The following ARHGAP42 variants were observed in gnomAD, a reference collection of about 807,000 sequenced individuals.
ARHGAP42 encodes Rho GTPase activating protein 42.
In ARHGAP42, 63 loss-of-function variants were observed where a neutral mutation model predicts 125.0. The observed-to-expected ratio is 0.50, with a 90% CI of 0.41 to 0.62. The LOEUF is 0.62. Among genes scored for constraint, ARHGAP42 ranks in the 20% least tolerant of loss-of-function variants. ARHGAP42 has a pLI of 0.00. For synonymous variants in ARHGAP42, 339 were observed against 351.0 expected, an observed-to-expected ratio of 0.97 and a Z score of 0.38; for missense variants, 766 against 1,024.2, an observed-to-expected ratio of 0.75 and a Z score of 3.44.
At chr11:100,983,106 A>C (rs1281130014) in intron 22 of ARHGAP42, among the ~76,000 whole-genome samples, 5 of 152,216 alleles carry the variant, frequency 3.3e-5, no homozygotes, top group Non-Finnish European at 5.9e-5. Flanking sequence ...GTGGTTTCTC[A>C]AACTTCTTGA....
At chr11:100,800,718 G>T (rs1863830513) in intron 3 of ARHGAP42, among the ~76,000 whole-genome samples, 1 of 152,112 alleles carries the variant, frequency 6.6e-6, no homozygotes, top group Non-Finnish European at 1.5e-5. Flanking sequence ...CATACTGTGG[G>T]TTTTGATTGC....
In ARHGAP42 at chr11:100,709,612, G is replaced by T. The variant is rs1308592444; in HGVS notation, c.154+21780G>T. On this transcript the variant is annotated intron_variant, in intron 1 of 23. Coordinates refer to ENST00000298815, the MANE Select transcript of ARHGAP42 (RefSeq NM_152432.4). ...ATGGTGGAAAGCAAAACTGGATGAG[G>T]CAGGCCTACTATATATAGCATTTAT... Among the ~76,000 whole-genome samples the T allele has an allele frequency of 2.0e-5, 3 of 152,194 alleles. No homozygotes were observed. In the East Asian group the frequency reaches 5.8e-4, roughly 29 times the overall value.
At chr11:100,875,097 CTCTCTCTCTCTGTGTGTGTGTG>C (rs1865783310) in intron 4 of ARHGAP42, among the ~76,000 whole-genome samples, 1 of 95,220 alleles carries the variant, frequency 1.1e-5, no homozygotes, top group Middle Eastern at 5.0e-3. Flanking sequence ...CTCTCTCTCT[CTCTCTCTCTCTGTGTGTGTGTG>C]TGTGTGTGTG....
intron 4 of ARHGAP42, among the ~76,000 whole-genome samples, chr11:100,878,302 C>G (rs1219017748): frequency 6.6e-6 from 1 of 151,754 alleles, no homozygotes; most frequent in African/African-American, 2.4e-5. Flanking sequence ...CCTATTCCTT[C>G]TATTTCTATT....
intron 1 of ARHGAP42, among the ~76,000 whole-genome samples, chr11:100,715,609 G>A (rs1035041480): frequency 6.6e-6 from 1 of 152,126 alleles, no homozygotes; most frequent in Admixed American, 6.6e-5. Context: ...GCAAAACTGA[G>A]CTTGTGTAAA....
chr11:100,879,681 C>T (rs1311506308), intron 4 of ARHGAP42, among the ~76,000 whole-genome samples: 3 of 152,114 alleles, frequency 2.0e-5, no homozygotes, highest in African/African-American at 4.8e-5. Context: ...CTGCGACCTC[C>T]CTGCCTCATC....
chr11:100,778,558 T>C (rs995968661), intron 2 of ARHGAP42, among the ~76,000 whole-genome samples: 2 of 152,106 alleles, frequency 1.3e-5, no homozygotes, highest in South Asian at 4.1e-4. Flanking sequence ...AATTATTGTT[T>C]TCCTGTTTTT....
intron 3 of ARHGAP42, among the ~76,000 whole-genome samples, chr11:100,796,464 T>C (rs978515697): frequency 5.9e-5 from 9 of 152,208 alleles, no homozygotes; most frequent in Admixed American, 3.3e-4. Flanking sequence ...AAGTGTCATG[T>C]GTCTCTCACT....
At chr11:100,725,852 G>A (rs1004014465) in intron 1 of ARHGAP42, among the ~76,000 whole-genome samples, 158 of 150,284 alleles carry the variant, frequency 1.1e-3, no homozygotes, top group African/African-American at 3.7e-3. Flanking sequence ...GGAGAATGGC[G>A]CGAACCCGGG....
intron 1 of ARHGAP42, among the ~76,000 whole-genome samples, chr11:100,742,436 T>A (rs537366240): frequency 6.6e-6 from 1 of 152,332 alleles, no homozygotes; most frequent in East Asian, 1.9e-4. Context: ...AAGGTTCAGA[T>A]ATGTGACCTC....
In ARHGAP42 at chr11:100,949,963, C is replaced by A; in HGVS notation, c.1162+7C>A. The A allele has an allele frequency of 1.4e-6, 2 of 1,416,768 alleles. No individual in the cohort carries two copies. Among genetic ancestry groups the A allele is most frequent in the Non-Finnish European group, 1.9e-6 (2 of 1,035,464 alleles). The allele number at this position is 1,416,768 out of a possible 1,614,324, so 87.8% of individuals were successfully genotyped here. A position where few individuals can be genotyped will look rare whatever the true frequency, so the allele number is the denominator to read the frequency against. The stretch of plus-strand genomic sequence containing the variant: ...ATAAGCAAGAAAGAAGAAAGTAAGT[C>A]ATTTTAATAGTTATTTAAAATTTTA... On this transcript the variant is annotated splice_region_variant and intron_variant, in intron 12 of 23. Transcript: ENST00000298815.
At chr11:100,750,867 C>A (rs555164645) in intron 1 of ARHGAP42, among the ~76,000 whole-genome samples, 38 of 151,902 alleles carry the variant, frequency 2.5e-4, no homozygotes, top group African/African-American at 9.2e-4. Context: ...TCAAATCTAA[C>A]AACCACCTCC....
At chr11:100,744,116 G>A (rs1024338893) in intron 1 of ARHGAP42, among the ~76,000 whole-genome samples, 1 of 152,050 alleles carries the variant, frequency 6.6e-6, no homozygotes, top group Non-Finnish European at 1.5e-5. Context: ...GACTACAGGC[G>A]CCTGCCTCCA....
intron 1 of ARHGAP42, among the ~76,000 whole-genome samples, chr11:100,728,829 C>T (rs11224415): frequency 0.15 from 21,974 of 147,942 alleles, 1,750 homozygotes; most frequent in East Asian, 0.26. Flanking sequence ...AATGCAGTGG[C>T]GTGATCTCGG....
rs1414222333 is a variant in ARHGAP42, at chr11:100,899,722, G to GTTTTGTT, written c.385-13726_385-13725insGTTTTTT. On this transcript the variant is annotated intron_variant, in intron 4 of 23. Transcript: ENST00000298815. Reference sequence around the variant, plus strand: ...TTTTTTTTGTTTTGTTTTGTGTTTTGTTTTTTTTTTTGTTTTTTTTTGCTC... The same window carrying GTTTTGTT: ...TTTTTTTTGTTTTGTTTTGTGTTTTGTTTTGTTTTTTTTTTTTTGTTTTTTTTTGCTC... 2.1e-4 allele frequency among the ~76,000 whole-genome samples: 14 copies of GTTTTGTT among 67,176 alleles called. 1 individual carries two copies. The highest frequency in any genetic ancestry group is 2.6e-4 in the Non-Finnish European group (9 of 34,888). The allele number at this position is 67,176 out of a possible 152,430, so 44.1% of individuals were successfully genotyped here. A position where few individuals can be genotyped will look rare whatever the true frequency, so the allele number is the denominator to read the frequency against.
At chr11:100,769,171 T>C (rs1489598992) in intron 1 of ARHGAP42, among the ~76,000 whole-genome samples, 1 of 152,332 alleles carries the variant, frequency 6.6e-6, no homozygotes, top group African/African-American at 2.4e-5. Context: ...TTTAAAAAGA[T>C]GCACCTGTGT....
chr11:100,743,282 A>T (rs990508026), intron 1 of ARHGAP42, among the ~76,000 whole-genome samples: 1 of 152,134 alleles, frequency 6.6e-6, no homozygotes, highest in Non-Finnish European at 1.5e-5. Flanking sequence ...TTCTCCCCAC[A>T]TTTGTTTGTC....
chr11:100,753,065 A>G (rs1449735285), intron 1 of ARHGAP42, among the ~76,000 whole-genome samples: 1 of 152,130 alleles, frequency 6.6e-6, no homozygotes, highest in Admixed American at 6.5e-5. Flanking sequence ...GTGTTAAGTT[A>G]CCAGGGCAGG....
Position 100,687,347 on chromosome 11 carries a change from C to G in ARHGAP42, c.-332C>G, listed in dbSNP as rs1028442471. ...GGAACTGCCGGAAGTGTCTGCGCGC[C>G]GTGAGAGAAACTTTCCTGCTCCGGC... On this transcript the variant is annotated 5_prime_UTR_variant, in exon 1 of 24. Transcript: ENST00000298815. 6.6e-6 allele frequency among the ~76,000 whole-genome samples: 1 copy of G among 152,058 alleles called. No homozygotes were observed. The highest frequency in any genetic ancestry group is 1.9e-4 in the East Asian group (1 of 5,158).
Sources: allele counts gnomAD v4.1 joint callset (sites outside exome capture counted in the v4.1 genomes callset), GRCh38; gene constraint gnomAD v4.1.1; transcripts MANE v1.5; gene names NCBI Gene and HGNC (gene_info 2026-07-23, HGNC 2026-07-21).